NFIA: variants seen among roughly 807,000 people sequenced by gnomAD.
The protein encoded by NFIA is nuclear factor 1 A-type.
In NFIA, 8 loss-of-function variants were observed where a neutral mutation model predicts 62.8. The ratio of observed to expected loss-of-function variants is 0.13; its 90% CI spans 0.07 to 0.23. The LOEUF is 0.23. NFIA is among the 10% of genes least tolerant of loss of function. The pLI, the probability that NFIA is intolerant of heterozygous loss-of-function variation, is 1.00. For synonymous variants in NFIA, 235 were observed against 238.1 expected, an observed-to-expected ratio of 0.99 and a Z score of 0.12; for missense variants, 410 against 642.1, an observed-to-expected ratio of 0.64 and a Z score of 3.91.
intron 3 of NFIA, among the ~76,000 whole-genome samples, chr1:61,314,340 A>G (rs1660263129): frequency 6.6e-6 from 1 of 152,188 alleles, no homozygotes; most frequent in Non-Finnish European, 1.5e-5. Context: ...GGTACACTCT[A>G]ATGCCTACCA....
intron 10 of NFIA, among the ~76,000 whole-genome samples, chr1:61,450,599 G>C (rs930118121): frequency 1.3e-5 from 2 of 152,130 alleles, no homozygotes; most frequent in African/African-American, 4.8e-5. Flanking sequence ...GCCTGTGTTT[G>C]CACATTTCCG....
intron 4 of NFIA, among the ~76,000 whole-genome samples, chr1:61,334,640 A>G (rs1661505093): frequency 7.0e-6 from 1 of 143,482 alleles, no homozygotes; most frequent in Non-Finnish European, 1.5e-5. Context: ...TCATAGTAGC[A>G]TTATAGGAAA....
At chr1:61,414,078 G>C (rs571743020) in intron 9 of NFIA, among the ~76,000 whole-genome samples, 2 of 151,960 alleles carry the variant, frequency 1.3e-5, no homozygotes, top group African/African-American at 4.8e-5. Context: ...CATCTTTCTG[G>C]TTCAAGTGAT....
chr1:61,281,793 G>C (rs1006235296), intron 3 of NFIA, among the ~76,000 whole-genome samples: 3 of 152,140 alleles, frequency 2.0e-5, no homozygotes, highest in African/African-American at 7.2e-5. Flanking sequence ...AGCTGATTAA[G>C]GGTAGGATTT....
rs182530508 is a variant in NFIA, at chr1:61,169,193, G to C, written c.559+80513G>C. Among the ~76,000 whole-genome samples, 14 of 152,138 alleles carry C rather than the reference G, an allele frequency of 9.2e-5. No homozygotes were observed. In the East Asian group the frequency reaches 2.7e-3, roughly 29 times the overall value. ...AAATATTCCAAGTTTTTTTTCCCCT[G>C]CTGCTGCAAGCTTAAAAGGCAACAT... On this transcript the variant is annotated intron_variant, in intron 2 of 10. Transcript: ENST00000403491.
At chr1:61,309,488 C>CAA (rs1341709372) in intron 3 of NFIA, among the ~76,000 whole-genome samples, 6 of 108,644 alleles carry the variant, frequency 5.5e-5, no homozygotes, top group African/African-American at 2.2e-4. Flanking sequence ...AAAACAACAA[C>CAA]AACAAAAAAA....
intron 9 of NFIA, among the ~76,000 whole-genome samples, chr1:61,408,150 T>C (rs114794747): frequency 1.6e-4 from 24 of 152,332 alleles, no homozygotes; most frequent in Non-Finnish European, 3.4e-4. Context: ...TCTGTATCAA[T>C]AGCCAAAAGA....
At chr1:61,350,016 G>A (rs918489509) in intron 4 of NFIA, among the ~76,000 whole-genome samples, 6 of 152,166 alleles carry the variant, frequency 3.9e-5, no homozygotes, top group South Asian at 4.2e-4. Context: ...TGGACTCTCT[G>A]GTTTGCCTAT....
At chr1:61,098,930 A>G (rs1222244360) in intron 2 of NFIA, among the ~76,000 whole-genome samples, 2 of 151,672 alleles carry the variant, frequency 1.3e-5, no homozygotes, top group African/African-American at 4.8e-5. Context: ...CTGTGTAACC[A>G]TATATATATA....
intron 2 of NFIA, chr1:61,251,479 G>T (rs2100212287): frequency 6.6e-6 from 1 of 152,240 alleles, no homozygotes; most frequent in South Asian, 2.1e-4. Context: ...AGCTGTTACT[G>T]TGACCATCAT....
In NFIA at chr1:61,329,963, A is replaced by G. The variant is rs61408534; in HGVS notation, c.626-2549A>G. ...TCGCAGGAGGGTGATGGAGACATACATAGAGTCAGGAATCACAGAAGCGGT... is the reference window on the plus strand; with the variant it reads ...TCGCAGGAGGGTGATGGAGACATACGTAGAGTCAGGAATCACAGAAGCGGT... On this transcript the variant is annotated intron_variant, in intron 3 of 10. Coordinates refer to ENST00000403491, the MANE Select transcript of NFIA (RefSeq NM_001134673.4). 8.3e-3 allele frequency among the ~76,000 whole-genome samples: 1,259 copies of G among 152,304 alleles called. 16 individuals are homozygous for G. Among genetic ancestry groups the G allele is most frequent in the African/African-American group, 0.028 (1,181 of 41,564 alleles).
intron 3 of NFIA, among the ~76,000 whole-genome samples, chr1:61,300,248 A>C (rs1659424216): frequency 6.6e-6 from 1 of 152,122 alleles, no homozygotes; most frequent in African/African-American, 2.4e-5. Flanking sequence ...AGTTTTACAA[A>C]ACACTTGCTT....
At chr1:61,435,173 G>A (rs1166437311) in intron 10 of NFIA, among the ~76,000 whole-genome samples, 1 of 152,212 alleles carries the variant, frequency 6.6e-6, no homozygotes, top group Non-Finnish European at 1.5e-5. Context: ...GGGGGAACAG[G>A]AGGAAAAGTC....
intron 3 of NFIA, among the ~76,000 whole-genome samples, chr1:61,278,497 C>T (rs1414445994): frequency 6.6e-6 from 1 of 152,134 alleles, no homozygotes; most frequent in African/African-American, 2.4e-5. Context: ...TGATTAAAAG[C>T]TCAGGCTGTG....
At chr1:61,187,698 C>T (rs1651296252) in intron 2 of NFIA, among the ~76,000 whole-genome samples, 1 of 152,328 alleles carries the variant, frequency 6.6e-6, no homozygotes, top group South Asian at 2.1e-4. Flanking sequence ...GCCTTTAAGT[C>T]TTGTTTCTGT....
intron 2 of NFIA, among the ~76,000 whole-genome samples, chr1:61,132,539 TAAGCCAC>T (rs1320523967): frequency 1.3e-5 from 2 of 152,186 alleles, no homozygotes; most frequent in African/African-American, 4.8e-5. Flanking sequence ...TGAAATCCTT[TAAGCCAC>T]AAAGATAGTG....
intron 4 of NFIA, among the ~76,000 whole-genome samples, chr1:61,349,486 G>A (rs918142501): frequency 1.3e-5 from 2 of 152,270 alleles, no homozygotes; most frequent in Admixed American, 6.5e-5. Flanking sequence ...GGTTTCCCAA[G>A]TGCTAATCGT....
intron 3 of NFIA, among the ~76,000 whole-genome samples, chr1:61,285,951 T>C (rs1019701876): frequency 2.0e-5 from 3 of 152,196 alleles, no homozygotes; most frequent in African/African-American, 4.8e-5. Flanking sequence ...AAGTAGCACT[T>C]GTAAACTCAG....
At chr1:61,377,741 C>G (rs1250961702) in intron 6 of NFIA, among the ~76,000 whole-genome samples, 1 of 152,162 alleles carries the variant, frequency 6.6e-6, no homozygotes, top group Non-Finnish European at 1.5e-5. Context: ...ACTTGAATTA[C>G]ATCTCCCAAA....
Sources: allele counts gnomAD v4.1 joint callset (sites outside exome capture counted in the v4.1 genomes callset), GRCh38; gene constraint gnomAD v4.1.1; transcripts MANE v1.5; gene names NCBI Gene and HGNC (gene_info 2026-07-23, HGNC 2026-07-21).